DIS3L2: variants seen among roughly 807,000 people sequenced by gnomAD.
The protein encoded by DIS3L2 is DIS3-like exonuclease 2.
Under a neutral mutation model 97.5 loss-of-function variants are expected in DIS3L2, and 34 were observed. The ratio of observed to expected loss-of-function variants is 0.35; its 90% CI spans 0.27 to 0.46. The LOEUF (loss-of-function observed/expected upper bound fraction) is 0.46, where lower values mean the gene tolerates loss of function less well. Ranked by LOEUF, DIS3L2 falls within the 20% of genes least tolerant of loss-of-function variation. DIS3L2 has a pLI of 1.00. For synonymous variants in DIS3L2, 435 were observed against 445.2 expected, an observed-to-expected ratio of 0.98 and a Z score of 0.29; for missense variants, 1,038 against 1,146.0, an observed-to-expected ratio of 0.91 and a Z score of 1.36.
At chr2:232,142,431 C>T (rs1292047923) in intron 8 of DIS3L2, among the ~76,000 whole-genome samples, 1 of 152,096 alleles carries the variant, frequency 6.6e-6, no homozygotes, top group Admixed American at 6.6e-5. Context: ...CTTCCAAAGT[C>T]GCCATCTTCA....
intron 9 of DIS3L2, among the ~76,000 whole-genome samples, chr2:232,164,830 G>A (rs1171204476): frequency 6.6e-6 from 1 of 152,026 alleles, no homozygotes; most frequent in Non-Finnish European, 1.5e-5. Flanking sequence ...CTCTTCAGGG[G>A]CTCCGAGGTC....
chr2:232,135,144 G>A lies in DIS3L2; in HGVS notation c.703-1328G>A, dbSNP rs570099086. ...TCAAATAGAAGTGAAGGTTGCTGGCGTTGAAGAGATAGGGAAAGGTGAGGA... is the reference window on the plus strand; with the variant it reads ...TCAAATAGAAGTGAAGGTTGCTGGCATTGAAGAGATAGGGAAAGGTGAGGA... On this transcript the variant is annotated intron_variant, in intron 7 of 20. Transcript: ENST00000325385. Among the ~76,000 whole-genome samples the A allele has an allele frequency of 5.9e-5, 9 of 152,198 alleles. No homozygotes were observed. The South Asian group carries it at 8.3e-4, about 14-fold the overall frequency.
chr2:232,344,223 T>C (rs1696171964), exon 14 of DIS3L2: 1 of 152,304 alleles, frequency 6.6e-6, no homozygotes, highest in Non-Finnish European at 1.5e-5. Context: ...TTTCTTATCT[T>C]CAGGGTTAAA....
chr2:232,112,541 T>C (rs1697569368), intron 6 of DIS3L2, among the ~76,000 whole-genome samples: 2 of 152,260 alleles, frequency 1.3e-5, no homozygotes, highest in South Asian at 2.1e-4. Context: ...GTAAATACAG[T>C]CTGCTCTTGT....
chr2:232,023,148 T>G lies in DIS3L2; in HGVS notation c.211-1129T>G, dbSNP rs1366793532. Reference sequence around the variant, plus strand: ...GTGAAAGTAAGCTGTACCTCTGCTTTATGTTTTCCTTTAAAATAGGGATTG... The same window carrying G: ...GTGAAAGTAAGCTGTACCTCTGCTTGATGTTTTCCTTTAAAATAGGGATTG... On this transcript the variant is annotated intron_variant, in intron 3 of 20. Coordinates refer to ENST00000325385, the MANE Select transcript of DIS3L2 (RefSeq NM_152383.5). 3 of 152,366 alleles carry G rather than the reference T, an allele frequency of 2.0e-5. No homozygotes were observed. The East Asian group carries it at 5.8e-4, about 29-fold the overall frequency. 9.4% of individuals were successfully genotyped at this position (152,366 alleles called of 1,614,324 possible). A position where few individuals can be genotyped will look rare whatever the true frequency, so the allele number is the denominator to read the frequency against.
intron 14 of DIS3L2, among the ~76,000 whole-genome samples, chr2:232,314,299 T>C (rs1412807341): frequency 1.3e-5 from 2 of 152,250 alleles, no homozygotes; most frequent in Admixed American, 6.5e-5. Flanking sequence ...GTAGATCCTA[T>C]ATTTTTAAGC....
At chr2:232,051,195 GGGCTTTAGGGGCCTCACCT>G (rs1353536494) in intron 5 of DIS3L2, among the ~76,000 whole-genome samples, 1 of 152,018 alleles carries the variant, frequency 6.6e-6, no homozygotes, top group African/African-American at 2.4e-5. Flanking sequence ...TACTGGCTCT[GGGCTTTAGGGGCCTCACCT>G]ATAAATGGTA....
intron 13 of DIS3L2, among the ~76,000 whole-genome samples, chr2:232,266,111 T>A (rs926033514): frequency 1.3e-5 from 2 of 152,220 alleles, no homozygotes; most frequent in African/African-American, 4.8e-5. Flanking sequence ...CAAAGTTCAG[T>A]TGAATTAAGT....
At chr2:232,321,876 G>A (rs1285425354) in intron 14 of DIS3L2, among the ~76,000 whole-genome samples, 1 of 152,192 alleles carries the variant, frequency 6.6e-6, no homozygotes, top group Non-Finnish European at 1.5e-5. Context: ...GCTGCAGGGG[G>A]CCATGTGTGT....
intron 14 of DIS3L2, among the ~76,000 whole-genome samples, chr2:232,308,355 C>T (rs2106328241): frequency 6.6e-6 from 1 of 152,350 alleles, no homozygotes; most frequent in African/African-American, 2.4e-5. Flanking sequence ...TCCGTTGTCC[C>T]TGCGGACCTC....
chr2:232,131,146 G>T (rs1295528105), intron 7 of DIS3L2: 1 of 156,360 alleles, frequency 6.4e-6, no homozygotes, highest in Non-Finnish European at 1.4e-5. Flanking sequence ...TAATTTTAAT[G>T]TCTTTTTTAG....
intron 11 of DIS3L2, among the ~76,000 whole-genome samples, chr2:232,247,635 GC>G (rs1559173643): frequency 0.011 from 566 of 51,314 alleles, 6 homozygotes; most frequent in African/African-American, 0.02. Flanking sequence ...GGGGGGGGGG[GC>G]GGGGGGGAGG....
At chr2:232,289,159 A>G (rs942531394) in intron 13 of DIS3L2, among the ~76,000 whole-genome samples, 26 of 152,108 alleles carry the variant, frequency 1.7e-4, no homozygotes, top group Non-Finnish European at 3.2e-4. Flanking sequence ...GCAGCTTCTC[A>G]CTTAAGGCTT....
At chr2:231,998,687 C>T (rs1317294417) in intron 1 of DIS3L2, among the ~76,000 whole-genome samples, 2 of 152,088 alleles carry the variant, frequency 1.3e-5, no homozygotes, top group East Asian at 3.8e-4. Context: ...AAACTCTTAC[C>T]AACTAGTTTT....
At chr2:232,270,048 G>A (rs1320420269) in intron 13 of DIS3L2, among the ~76,000 whole-genome samples, 3 of 152,108 alleles carry the variant, frequency 2.0e-5, no homozygotes, top group Non-Finnish European at 2.9e-5. Flanking sequence ...GATGCGGAGG[G>A]GAGGGGCAGG....
intron 14 of DIS3L2, among the ~76,000 whole-genome samples, chr2:232,324,850 G>A (rs903588672): frequency 2.0e-5 from 3 of 152,200 alleles, no homozygotes; most frequent in Non-Finnish European, 2.9e-5. Flanking sequence ...AGCTTAAGAA[G>A]CAAGTGAGTG....
intron 1 of DIS3L2, among the ~76,000 whole-genome samples, chr2:232,003,401 A>G (rs1373094977): frequency 6.6e-6 from 1 of 152,138 alleles, no homozygotes; most frequent in East Asian, 1.9e-4. Flanking sequence ...TTGGCCTGCT[A>G]TTTTGAAAAT....
intron 9 of DIS3L2, among the ~76,000 whole-genome samples, chr2:232,176,266 A>G (rs1691148828): frequency 6.6e-6 from 1 of 152,096 alleles, no homozygotes; most frequent in African/African-American, 2.4e-5. Context: ...ATTCCCTTAT[A>G]ATCCTTATTG....
At chr2:232,048,325 G>A (rs1170948257) in intron 5 of DIS3L2, among the ~76,000 whole-genome samples, 2 of 152,106 alleles carry the variant, frequency 1.3e-5, no homozygotes, top group South Asian at 2.1e-4. Context: ...ATTTCAAAAT[G>A]GAGCCCCTCT....
Sources: gnomAD v4.1 joint callset for allele counts (sites outside exome capture counted in the v4.1 genomes callset) on GRCh38, gnomAD v4.1.1 for gene constraint, MANE v1.5 for transcripts, NCBI Gene and HGNC (gene_info 2026-07-23, HGNC 2026-07-21) for gene names.